The following NDUFS1 variants were observed in gnomAD, a reference collection of about 807,000 sequenced individuals.
NDUFS1 encodes NADH:ubiquinone oxidoreductase core subunit S1, also known as NADH-ubiquinone oxidoreductase 75 kDa subunit, mitochondrial.
A neutral mutation model predicts 84.4 loss-of-function variants in NDUFS1; 61 were observed. That is an observed-to-expected ratio of 0.72 (90% confidence interval 0.59 to 0.89). NDUFS1 has a LOEUF of 0.89. NDUFS1 is among the 40% of genes least tolerant of loss of function. The probability of loss-of-function intolerance (pLI) is 0.00; values close to 1 mark genes in which losing one functional copy is unlikely to be tolerated. For missense variants in NDUFS1, 891 were observed against 890.0 expected (o/e 1.00, Z -0.01); for synonymous variants, 275 against 290.0 (o/e 0.95, Z 0.53).
chr2:206,127,693 C>A, intron 16 of NDUFS1, 104 bp downstream of exon 16: 1 of 1,202,974 alleles, frequency 8.3e-7, no homozygotes, highest in Non-Finnish European at 1.2e-6. Context: ...ATCATCTCTG[C>A]ATTTCAGACT....
chr2:206,128,366 C>G (rs1350191489), intron 15 of NDUFS1, among the ~76,000 whole-genome samples: 1 of 151,834 alleles, frequency 6.6e-6, no homozygotes, highest in African/African-American at 2.4e-5. Flanking sequence ...AGGGTTTCAC[C>G]GTGTTTAGCC....
rs762626235 is a variant in NDUFS1, at chr2:206,149,073, T to G, written c.285A>C (p.Pro95=). Residue 95 remains proline (P), a synonymous_variant, in exon 5 of 19, where the codon CCA becomes CCC. Coordinates refer to ENST00000233190, the MANE Select transcript of NDUFS1 (RefSeq NM_005006.7). The part of the protein sequence containing the change: ...APKVVAACAM[P]VMKGWNILTN... Reference sequence around the variant, plus strand: ...TTAGGATATTCCAACCCTTCATTACTGGCATGGCACAAGCAGCTACAACCT... The same window carrying G: ...TTAGGATATTCCAACCCTTCATTACGGGCATGGCACAAGCAGCTACAACCT... 19 of 1,613,070 alleles carry G rather than the reference T, an allele frequency of 1.2e-5. No homozygotes were observed. Among genetic ancestry groups the G allele is most frequent in the Non-Finnish European group, 6.8e-6 (8 of 1,179,628 alleles).
At chr2:206,145,791 C>T (rs544893322) in intron 8 of NDUFS1, among the ~76,000 whole-genome samples, 3 of 152,284 alleles carry the variant, frequency 2.0e-5, no homozygotes, top group African/African-American at 7.2e-5. Context: ...AAGATGAGAA[C>T]TTCTTTGGTA....
chr2:206,149,944 A>T lies in NDUFS1; in HGVS notation c.154-19T>A. 1 of 1,494,490 alleles carries T rather than the reference A, an allele frequency of 6.7e-7. No individual in the cohort carries two copies. Among genetic ancestry groups the T allele is most frequent in the Non-Finnish European group, 9.3e-7 (1 of 1,081,002 alleles). 92.6% of individuals were successfully genotyped at this position (1,494,490 alleles called of 1,614,324 possible). Reference sequence around the variant, plus strand: ...CACAAGCCTAGAAGTAAAAAAAAAAAAAAAAAAAAAAAAAGCATTAGAATA... The same window carrying T: ...CACAAGCCTAGAAGTAAAAAAAAAATAAAAAAAAAAAAAAGCATTAGAATA... On this transcript the variant is annotated intron_variant, in intron 3 of 18. Transcript: ENST00000233190.
At chr2:206,157,177 C>T (rs946574668) in intron 1 of NDUFS1, among the ~76,000 whole-genome samples, 3 of 152,250 alleles carry the variant, frequency 2.0e-5, no homozygotes, top group African/African-American at 7.2e-5. Context: ...GTCTCAAACT[C>T]CTGACCTCAG....
intron 8 of NDUFS1, among the ~76,000 whole-genome samples, chr2:206,145,346 G>C (rs1692118161): frequency 6.6e-6 from 1 of 152,044 alleles, no homozygotes; most frequent in African/African-American, 2.4e-5. Context: ...GGCTGGTCTT[G>C]AACTACTGGT....
rs546671661 is a variant in NDUFS1, at chr2:206,129,544, G to A, written c.1708+544C>T. Among the ~76,000 whole-genome samples the A allele has an allele frequency of 7.9e-5, 12 of 151,680 alleles. No homozygotes were observed. In the South Asian group the frequency reaches 8.3e-4, roughly 11 times the overall value. Reference sequence around the variant, plus strand: ...TCTCAAAGTGGTGGGATTACAGCATGAGCCACGGCACCCAAGGAACAGGAT... The same window carrying A: ...TCTCAAAGTGGTGGGATTACAGCATAAGCCACGGCACCCAAGGAACAGGAT... On this transcript the variant is annotated intron_variant, in intron 15 of 18. Transcript: ENST00000233190.
chr2:206,145,265 C>T (rs1245430126), intron 8 of NDUFS1, among the ~76,000 whole-genome samples: 1 of 152,068 alleles, frequency 6.6e-6, no homozygotes, highest in Non-Finnish European at 1.5e-5. Flanking sequence ...CCTAGAACTC[C>T]TGGGCTCAAA....
At position 206,123,871 on chromosome 2, in the gene NDUFS1, TACAG is replaced by T. The variant is rs1691179939; in HGVS notation, c.*310_*313del. 1 of 247,132 alleles carries T rather than the reference TACAG, an allele frequency of 4.0e-6. No homozygotes were observed. The highest frequency in any genetic ancestry group is 8.2e-5 in the East Asian group (1 of 12,258). The allele number at this position is 247,132 out of a possible 1,614,324, so 15.3% of individuals were successfully genotyped here. On this transcript the variant is annotated 3_prime_UTR_variant, in exon 19 of 19. Transcript: ENST00000233190. ...GAACCTCTTTTCATTTCATCCATTT[TACAG>T]ACAAATTATTTATGAAGATAAGCCA...
At chr2:206,158,682 G>A (rs759032458) in intron 1 of NDUFS1, among the ~76,000 whole-genome samples, 9 of 152,156 alleles carry the variant, frequency 5.9e-5, no homozygotes, top group Non-Finnish European at 1.0e-4. Flanking sequence ...CTTCTATACC[G>A]TCAATTCGTG....
Position 206,123,047 on chromosome 2 carries a change from A to C in NDUFS1, c.*1138T>G, listed in dbSNP as rs1391506511. 1 of 152,138 alleles carries C rather than the reference A, an allele frequency of 6.6e-6. No homozygotes were observed. Among genetic ancestry groups the C allele is most frequent in the African/African-American group, 2.4e-5 (1 of 41,450 alleles). 9.4% of individuals were successfully genotyped at this position (152,138 alleles called of 1,614,324 possible). On this transcript the variant is annotated 3_prime_UTR_variant, in exon 19 of 19. Coordinates refer to ENST00000233190, the MANE Select transcript of NDUFS1 (RefSeq NM_005006.7). The stretch of plus-strand genomic sequence containing the variant: ...ACCACACCCAACCTTAGATTAAAAA[A>C]AAAAATTATCTATTTTTAATTATCT...
At chr2:206,145,127 C>T (rs1392559800) in intron 8 of NDUFS1, 101 bp from the exon 9 acceptor site, 28 of 1,142,602 alleles carry the variant, frequency 2.5e-5, no homozygotes, top group South Asian at 3.1e-5. Context: ...AATTCCCTTT[C>T]TGAATTACTT....
At chr2:206,146,852 A>T in intron 8 of NDUFS1, 51 bp downstream of exon 8, 1 of 1,515,386 alleles carries the variant, frequency 6.6e-7, no homozygotes, top group Admixed American at 1.7e-5. Flanking sequence ...ATTTTTTTGA[A>T]TAGTAATGAA....
In NDUFS1 at chr2:206,144,097, G is replaced by A; in HGVS notation, c.908C>T (p.Thr303Ile). ...AYDGLKRQRL[T>I]EPMVRNEKGL... Reference sequence around the variant, plus strand: ...TTTTTCATTTCTGACCATTGGCTCGGTAAGTCTTTGACGTTTTAGCCCATC... The same window carrying A: ...TTTTTCATTTCTGACCATTGGCTCGATAAGTCTTTGACGTTTTAGCCCATC... The change falls in exon 10 of 19, where the codon ACC becomes ATC. Residue 303 changes from threonine (T) to isoleucine (I), a missense_variant. Transcript: ENST00000233190. 1.2e-6 allele frequency: 2 copies of A among 1,614,004 alleles called. No individual in the cohort carries two copies. Among genetic ancestry groups the A allele is most frequent in the Admixed American group, 1.7e-5 (1 of 60,016 alleles).
At position 206,116,747 on chromosome 2, in the gene NDUFS1, C is replaced by T. The variant is rs61704622; in HGVS notation, c.*7438G>A. On this transcript the variant is annotated 3_prime_UTR_variant, in exon 19 of 19. Transcript: ENST00000233190. Reference sequence around the variant, plus strand: ...AAAATATTTTTAAAAATTAGCTGGGCGCGGTGGCTTACGCCTGTAATCCCA... The same window carrying T: ...AAAATATTTTTAAAAATTAGCTGGGTGCGGTGGCTTACGCCTGTAATCCCA... 75,622 of 235,142 alleles carry T rather than the reference C, an allele frequency of 0.32. 12,844 individuals carry two copies. Among genetic ancestry groups the T allele is most frequent in the African/African-American group, 0.44 (18,961 of 43,234 alleles). 14.6% of individuals were successfully genotyped at this position (235,142 alleles called of 1,614,324 possible). A position where few individuals can be genotyped will look rare whatever the true frequency, so the allele number is the denominator to read the frequency against.
chr2:206,153,622 T>A lies in NDUFS1; in HGVS notation c.57A>T (p.Gly19=). ...CAAATTTAAGAAAATACTCACCACA[T>A]CCTTTAGGAGACTTAGAAAGGCCTA... ...ALVGLSKSPK[G]CVRTTATAAS... The change falls in exon 2 of 19, where the codon GGA becomes GGT. Residue 19 remains glycine, a synonymous_variant. Coordinates refer to ENST00000233190, the MANE Select transcript of NDUFS1 (RefSeq NM_005006.7). 1 of 1,536,354 alleles carries A rather than the reference T, an allele frequency of 6.5e-7. No individual in the cohort carries two copies. Among genetic ancestry groups the A allele is most frequent in the Non-Finnish European group, 9.0e-7 (1 of 1,110,290 alleles).
chr2:206,149,978 T>C (rs908478287), intron 3 of NDUFS1, 53 bp from the exon 4 acceptor site: 6 of 1,248,650 alleles, frequency 4.8e-6, no homozygotes, highest in Non-Finnish European at 7.0e-6. Context: ...TAACCTGACT[T>C]CACTGCTGTT....
intron 10 of NDUFS1, 103 bp from the exon 11 acceptor site, chr2:206,142,934 A>G: frequency 6.8e-7 from 1 of 1,470,032 alleles, no homozygotes; most frequent in Non-Finnish European, 9.3e-7. Flanking sequence ...AGTACAAAAA[A>G]AGTTAACAGA....
rs1050808905 is a variant in NDUFS1 at position 206,122,112 on chromosome 2, T to C, written c.*2073A>G. ...TAAGATAAACAGTTCTAAAAGCTGG[T>C]ACAGGTGACAAATTTTGTGCAATTT... On this transcript the variant is annotated 3_prime_UTR_variant, in exon 19 of 19. Coordinates refer to ENST00000233190, the MANE Select transcript of NDUFS1 (RefSeq NM_005006.7). 7 of 152,124 alleles carry C rather than the reference T, an allele frequency of 4.6e-5. No homozygotes were observed. The highest frequency in any genetic ancestry group is 1.2e-4 in the African/African-American group (5 of 41,428). 9.4% of individuals were successfully genotyped at this position (152,124 alleles called of 1,614,324 possible). A position where few individuals can be genotyped will look rare whatever the true frequency, so the allele number is the denominator to read the frequency against.
Sources: allele counts gnomAD v4.1 joint callset (sites outside exome capture counted in the v4.1 genomes callset), GRCh38; gene constraint gnomAD v4.1.1; transcripts MANE v1.5; gene names NCBI Gene and HGNC (gene_info 2026-07-23, HGNC 2026-07-21).